The following CYSTM1 variants were observed in gnomAD, a reference collection of about 807,000 sequenced individuals.
The protein encoded by CYSTM1 is cysteine rich transmembrane module containing 1, also known as cysteine-rich transmembrane module-containing protein 1.
In CYSTM1, 4 loss-of-function variants were observed where a neutral mutation model predicts 13.1. The observed-to-expected ratio is 0.31, with a 90% CI of 0.15 to 0.70. The LOEUF is 0.70. CYSTM1 is among the 30% of genes least tolerant of loss of function. The pLI is 0.72. For missense variants in CYSTM1, 96 were observed against 121.6 expected, an observed-to-expected ratio of 0.79 and a Z score of 0.99; for synonymous variants, 36 against 42.7, an observed-to-expected ratio of 0.84 and a Z score of 0.62.
chr5:140,206,666 T>C (rs189977624), intron 2 of CYSTM1, among the ~76,000 whole-genome samples: 1 of 152,312 alleles, frequency 6.6e-6, no homozygotes, highest in Admixed American at 6.5e-5. Flanking sequence ...GATCTTGCTC[T>C]GTCACCCAGG....
intron 2 of CYSTM1, among the ~76,000 whole-genome samples, chr5:140,222,855 T>A (rs1340284529): frequency 6.6e-6 from 1 of 152,262 alleles, no homozygotes; most frequent in Admixed American, 6.5e-5. Flanking sequence ...CAGCCACTTC[T>A]GAGACAGTCC....
chr5:140,200,194 C>A (rs1285577660), intron 2 of CYSTM1: 2 of 152,174 alleles, frequency 1.3e-5, no homozygotes, highest in Admixed American at 6.5e-5. Context: ...AAGTCTTTGC[C>A]TATGCCTATG....
chr5:140,234,378 G>A (rs764306414), intron 2 of CYSTM1, among the ~76,000 whole-genome samples: 2 of 152,010 alleles, frequency 1.3e-5, no homozygotes, highest in African/African-American at 2.4e-5. Context: ...CTTCATTTTA[G>A]TCATTTTAGT....
rs561541490 is a variant in CYSTM1 at position 140,219,898 on chromosome 5, C to T, written c.188-23407C>T. ...ACTAATTGGAAAAACCCAACAGCTA[C>T]CTCCTTGGTGATCTCTGCCCATTTG... On this transcript the variant is annotated intron_variant, in intron 2 of 2. Coordinates refer to ENST00000261811, the MANE Select transcript of CYSTM1 (RefSeq NM_032412.4). This position sits in a 1 kb window ranked among gnomAD's most constrained non-coding sequence, Gnocchi z 4.1. Among the ~76,000 whole-genome samples the T allele has an allele frequency of 6.6e-6, 1 of 152,354 alleles. No individual in the cohort carries two copies. Among genetic ancestry groups the T allele is most frequent in the South Asian group, 2.1e-4 (1 of 4,830 alleles).
chr5:140,225,611 T>A (rs2126668641), intron 2 of CYSTM1, among the ~76,000 whole-genome samples: 1 of 152,380 alleles, frequency 6.6e-6, no homozygotes, highest in East Asian at 1.9e-4. Flanking sequence ...TTCCCAAAGA[T>A]GTGACCGGTT....
chr5:140,198,464 G>T (rs916723456), intron 2 of CYSTM1, among the ~76,000 whole-genome samples: 2 of 152,184 alleles, frequency 1.3e-5, no homozygotes, highest in Non-Finnish European at 2.9e-5. Flanking sequence ...CCTCCACGAG[G>T]CCTCTCTCAG....
chr5:140,241,786 G>A (rs1296817900), intron 2 of CYSTM1, among the ~76,000 whole-genome samples: 1 of 152,222 alleles, frequency 6.6e-6, no homozygotes, highest in East Asian at 1.9e-4. Context: ...CCAGGCTTCA[G>A]TGGGTAGGGT....
chr5:140,229,061 T>C (rs1764591671), intron 2 of CYSTM1: 1 of 372,528 alleles, frequency 2.7e-6, no homozygotes, highest in Non-Finnish European at 4.8e-6. Flanking sequence ...TTTGTACATA[T>C]CTTGTGAATT....
chr5:140,184,087 G>C (rs1763989717), intron 1 of CYSTM1, among the ~76,000 whole-genome samples: 1 of 62,646 alleles, frequency 1.6e-5, no homozygotes, highest in South Asian at 3.0e-4. Flanking sequence ...GTATAAAAAA[G>C]TATGTATAAT....
chr5:140,185,688 C>A (rs906141164), intron 1 of CYSTM1, among the ~76,000 whole-genome samples: 3 of 152,238 alleles, frequency 2.0e-5, no homozygotes, highest in Non-Finnish European at 1.5e-5. Flanking sequence ...CTGCTACCAT[C>A]TTTAAAAATG....
intron 1 of CYSTM1, among the ~76,000 whole-genome samples, chr5:140,184,094 T>TA (rs113145146): frequency 2.0e-5 from 3 of 151,492 alleles, no homozygotes; most frequent in Admixed American, 6.6e-5. Context: ...AAAGTATGTA[T>TA]AATGTACAGT....
At chr5:140,223,222 G>A (rs987309862) in intron 2 of CYSTM1, among the ~76,000 whole-genome samples, 1 of 152,220 alleles carries the variant, frequency 6.6e-6, no homozygotes, top group African/African-American at 2.4e-5. Flanking sequence ...TGTTGCAAAG[G>A]AGAAGGAGGA....
At chr5:140,183,874 G>C (rs1167592616) in intron 1 of CYSTM1, among the ~76,000 whole-genome samples, 1 of 152,212 alleles carries the variant, frequency 6.6e-6, no homozygotes, top group African/African-American at 2.4e-5. Flanking sequence ...TGTGGATCCT[G>C]CCCTGAAGCT....
intron 1 of CYSTM1, among the ~76,000 whole-genome samples, chr5:140,192,132 A>T (rs1561809866): frequency 6.6e-6 from 1 of 152,184 alleles, no homozygotes; most frequent in African/African-American, 2.4e-5. Context: ...AAGCCATTTG[A>T]TCCCATAACA....
At chr5:140,206,602 G>GCA (rs1764300731) in intron 2 of CYSTM1, among the ~76,000 whole-genome samples, 1 of 141,026 alleles carries the variant, frequency 7.1e-6, no homozygotes, top group African/African-American at 2.7e-5. Flanking sequence ...CTTGTGCTGA[G>GCA]CACTGTTGTT....
chr5:140,177,236 A>G (rs996988894), intron 1 of CYSTM1, among the ~76,000 whole-genome samples: 1 of 152,146 alleles, frequency 6.6e-6, no homozygotes, highest in Admixed American at 6.5e-5. Context: ...GATTTTTCCC[A>G]GCCCTGAAAT....
At chr5:140,238,039 T>C (rs1755697353) in intron 2 of CYSTM1, among the ~76,000 whole-genome samples, 1 of 152,128 alleles carries the variant, frequency 6.6e-6, no homozygotes, top group South Asian at 2.1e-4. Context: ...TTGGGTTGGG[T>C]TGCAGTCAGG....
At chr5:140,179,086 C>A (rs1354067863) in intron 1 of CYSTM1, among the ~76,000 whole-genome samples, 1 of 151,528 alleles carries the variant, frequency 6.6e-6, no homozygotes, top group Non-Finnish European at 1.5e-5. Flanking sequence ...CAGGGAGACC[C>A]CATAGCTACA....
intron 2 of CYSTM1, among the ~76,000 whole-genome samples, chr5:140,241,523 C>T (rs1333605599): frequency 6.6e-6 from 1 of 152,244 alleles, no homozygotes; most frequent in Non-Finnish European, 1.5e-5. Context: ...GGATGGCCTG[C>T]ACATGAATCA....
Sources: gnomAD v4.1 joint callset for allele counts (sites outside exome capture counted in the v4.1 genomes callset) on GRCh38, gnomAD v4.1.1 for gene constraint, Gnocchi (gnomAD v3.1) non-coding constraint, MANE v1.5 for transcripts, NCBI Gene and HGNC (gene_info 2026-07-23, HGNC 2026-07-21) for gene names.